Variants in PRKG1 observed in about 807,000 individuals in gnomAD.
The protein encoded by PRKG1 is cGMP-dependent protein kinase 1.
Under a neutral mutation model 88.1 loss-of-function variants are expected in PRKG1, and 35 were observed. The observed-to-expected ratio is 0.40, with a 90% CI of 0.30 to 0.53. The LOEUF is 0.53. PRKG1 is among the 20% of genes least tolerant of loss of function. PRKG1 has a pLI of 0.59. For synonymous variants in PRKG1, 303 were observed against 292.5 expected, an observed-to-expected ratio of 1.04 and a Z score of -0.37; for missense variants, 540 against 839.8, an observed-to-expected ratio of 0.64 and a Z score of 4.41.
intron 2 of PRKG1, among the ~76,000 whole-genome samples, chr10:51,415,969 G>T (rs530844799): frequency 6.6e-6 from 1 of 150,972 alleles, no homozygotes; most frequent in Non-Finnish European, 1.5e-5. Context: ...GTGTACACAC[G>T]CACACATATA....
At chr10:52,129,302 A>G (rs895338929) in intron 7 of PRKG1, among the ~76,000 whole-genome samples, 1 of 152,178 alleles carries the variant, frequency 6.6e-6, no homozygotes, top group Non-Finnish European at 1.5e-5. Context: ...CTTTAAATTC[A>G]AATGATATTT....
chr10:51,751,444 T>C (rs1589257332), intron 3 of PRKG1, among the ~76,000 whole-genome samples: 1 of 152,104 alleles, frequency 6.6e-6, no homozygotes, highest in South Asian at 2.1e-4. Context: ...GCCAGGCAGG[T>C]CTTGAACTCC....
intron 2 of PRKG1, among the ~76,000 whole-genome samples, chr10:51,459,077 T>G (rs1839670994): frequency 6.6e-6 from 1 of 152,120 alleles, no homozygotes; most frequent in Non-Finnish European, 1.5e-5. Context: ...TTTCTCACAT[T>G]AATATAATTT....
chr10:51,321,635 G>A (rs539109082), intron 2 of PRKG1, among the ~76,000 whole-genome samples: 2 of 152,088 alleles, frequency 1.3e-5, no homozygotes, highest in South Asian at 4.2e-4. Context: ...AGTAGCGGGG[G>A]GATGGTTAAT....
intron 2 of PRKG1, among the ~76,000 whole-genome samples, chr10:51,325,348 C>T (rs928481752): frequency 1.2e-4 from 19 of 152,204 alleles, no homozygotes; most frequent in Admixed American, 1.3e-4. Context: ...GCAACCTCTG[C>T]CTCCTGGGTT....
intron 4 of PRKG1, among the ~76,000 whole-genome samples, chr10:51,894,906 AG>A (rs1414979264): frequency 3.3e-5 from 5 of 152,152 alleles, no homozygotes; most frequent in Admixed American, 6.5e-5. Context: ...TTTGTATGTT[AG>A]AGATGAGAAC....
chr10:52,113,779 A>T (rs966982054), intron 7 of PRKG1, among the ~76,000 whole-genome samples: 3 of 152,170 alleles, frequency 2.0e-5, no homozygotes, highest in Admixed American at 2.0e-4. Flanking sequence ...TTCATTAAGA[A>T]TTTAATTAGC....
chr10:51,641,010 G>T (rs1048944780), intron 3 of PRKG1, among the ~76,000 whole-genome samples: 1 of 151,798 alleles, frequency 6.6e-6, no homozygotes, highest in African/African-American at 2.4e-5. Context: ...TGCCATTAGT[G>T]GTCAAAGTGT....
At chr10:52,041,520 T>G (rs1181511926) in intron 5 of PRKG1, among the ~76,000 whole-genome samples, 3 of 152,148 alleles carry the variant, frequency 2.0e-5, no homozygotes, top group African/African-American at 7.2e-5. Context: ...TTCCCTTCTC[T>G]CCAGTTATCT....
At chr10:51,493,548 C>T (rs1433169246) in intron 3 of PRKG1, among the ~76,000 whole-genome samples, 1 of 152,142 alleles carries the variant, frequency 6.6e-6, no homozygotes, top group Non-Finnish European at 1.5e-5. Context: ...CATACTATAA[C>T]TTAATCTGCT....
intron 1 of PRKG1, among the ~76,000 whole-genome samples, chr10:51,011,722 T>A (rs1290515609): frequency 6.6e-6 from 1 of 152,226 alleles, no homozygotes; most frequent in African/African-American, 2.4e-5. Context: ...TAATGGAAAA[T>A]GTGCCATTCT....
chr10:51,314,875 G>A (rs749203210), intron 2 of PRKG1, among the ~76,000 whole-genome samples: 2 of 152,148 alleles, frequency 1.3e-5, no homozygotes, highest in African/African-American at 4.8e-5. Flanking sequence ...CCCTCATCAA[G>A]TTCTGCAATT....
At chr10:51,012,075 C>T (rs1180334587) in intron 1 of PRKG1, among the ~76,000 whole-genome samples, 1 of 152,176 alleles carries the variant, frequency 6.6e-6, no homozygotes, top group Non-Finnish European at 1.5e-5. Context: ...ATTCAATTGC[C>T]TCCCGTGACA....
chr10:51,796,019 T>C (rs1023607845), intron 3 of PRKG1, among the ~76,000 whole-genome samples: 3 of 152,098 alleles, frequency 2.0e-5, no homozygotes, highest in Admixed American at 2.0e-4. Context: ...CAACTAAAAT[T>C]GAAAACCAGT....
intron 4 of PRKG1, among the ~76,000 whole-genome samples, chr10:51,873,130 C>A (rs1390233417): frequency 6.6e-6 from 1 of 152,028 alleles, no homozygotes. Flanking sequence ...TTGAAGAGAT[C>A]CAGTCCTTCT....
At chr10:51,528,752 A>G (rs1841945266) in intron 3 of PRKG1, among the ~76,000 whole-genome samples, 1 of 152,162 alleles carries the variant, frequency 6.6e-6, no homozygotes, top group Non-Finnish European at 1.5e-5. Context: ...TTAACCATGC[A>G]GAGGACAGCC....
intron 2 of PRKG1, among the ~76,000 whole-genome samples, chr10:51,297,351 T>C (rs1840747301): frequency 6.6e-6 from 1 of 152,116 alleles, no homozygotes; most frequent in Admixed American, 6.6e-5. Flanking sequence ...AGAAAAACTT[T>C]ACTATCTGGA....
intron 3 of PRKG1, among the ~76,000 whole-genome samples, chr10:51,748,499 A>G (rs1000403397): frequency 1.3e-5 from 2 of 152,226 alleles, no homozygotes; most frequent in African/African-American, 4.8e-5. Context: ...ATTCTATTGT[A>G]CTAAAATGTT....
intron 5 of PRKG1, among the ~76,000 whole-genome samples, chr10:51,920,501 C>T (rs1842440999): frequency 6.6e-6 from 1 of 152,108 alleles, no homozygotes; most frequent in Non-Finnish European, 1.5e-5. Flanking sequence ...TGTCTTCTCT[C>T]TTTCTGTTTA....
Sources: gnomAD v4.1 joint callset for allele counts (sites outside exome capture counted in the v4.1 genomes callset) on GRCh38, gnomAD v4.1.1 for gene constraint, MANE v1.5 for transcripts, NCBI Gene and HGNC (gene_info 2026-07-23, HGNC 2026-07-21) for gene names.